Variants in SGIP1 observed in about 807,000 individuals in gnomAD.
The protein encoded by SGIP1 is SH3GL interacting endocytic adaptor 1, also known as SH3-containing GRB2-like protein 3-interacting protein 1.
SGIP1 carries 38 observed loss-of-function variants against 107.5 expected under a neutral mutation model. The ratio of observed to expected loss-of-function variants is 0.35; its 90% CI spans 0.27 to 0.46. SGIP1 has a LOEUF of 0.46. Among genes scored for constraint, SGIP1 ranks in the 20% least tolerant of loss-of-function variants. The pLI is 1.00. For missense variants in SGIP1, 929 were observed against 1,019.5 expected, an observed-to-expected ratio of 0.91 and a Z score of 1.21; for synonymous variants, 365 against 366.1, an observed-to-expected ratio of 1.00 and a Z score of 0.03.
rs1039591633 is a variant in SGIP1, at chr1:66,744,312, G to A, written c.*1217G>A. The stretch of plus-strand genomic sequence containing the variant: ...CCATTCTTGGAGAAGCAAAAGGAGA[G>A]TTATCAAAAATGTATGTCGTTTCAT... On this transcript the variant is annotated 3_prime_UTR_variant, in exon 25 of 25. Coordinates refer to ENST00000371037, the MANE Select transcript of SGIP1 (RefSeq NM_032291.4). 2 of 152,128 alleles carry A rather than the reference G, an allele frequency of 1.3e-5. No homozygotes were observed. The highest frequency in any genetic ancestry group is 2.9e-5 in the Non-Finnish European group (2 of 67,976). The allele number at this position is 152,128 out of a possible 1,614,324, so 9.4% of individuals were successfully genotyped here.
chr1:66,698,518 A>G (rs2091365424), intron 18 of SGIP1, among the ~76,000 whole-genome samples: 1 of 151,750 alleles, frequency 6.6e-6, no homozygotes, highest in Non-Finnish European at 1.5e-5. Flanking sequence ...AGCTGGGACC[A>G]CAGGCGCCCG....
chr1:66,698,182 T>C (rs188510646), intron 18 of SGIP1, among the ~76,000 whole-genome samples: 1 of 152,328 alleles, frequency 6.6e-6, no homozygotes, highest in East Asian at 1.9e-4. Flanking sequence ...TATTTGAGGA[T>C]AACATGGGTG....
chr1:66,672,427 T>C (rs1486349359), intron 11 of SGIP1, among the ~76,000 whole-genome samples: 1 of 152,192 alleles, frequency 6.6e-6, no homozygotes, highest in Non-Finnish European at 1.5e-5. Flanking sequence ...GGCAAAGCAT[T>C]GTATTTTACA....
In SGIP1 at chr1:66,747,396, C is replaced by T. The variant is rs929012492; in HGVS notation, c.*4301C>T. 1 of 151,860 alleles carries T rather than the reference C, an allele frequency of 6.6e-6. No individual in the cohort carries two copies. Among genetic ancestry groups the T allele is most frequent in the Non-Finnish European group, 1.5e-5 (1 of 67,852 alleles). 9.4% of individuals were successfully genotyped at this position (151,860 alleles called of 1,614,324 possible). ...CTCCAATCTTAAAAAATTTTTTTCC[C>T]TAGGAAAATCCCTATCTTTTTCTTA... On this transcript the variant is annotated 3_prime_UTR_variant, in exon 25 of 25. Coordinates refer to ENST00000371037, the MANE Select transcript of SGIP1 (RefSeq NM_032291.4).
chr1:66,688,400 G>C (rs1054017664), intron 15 of SGIP1, among the ~76,000 whole-genome samples: 2 of 152,174 alleles, frequency 1.3e-5, no homozygotes, highest in Non-Finnish European at 2.9e-5. Context: ...TGTGTCTTCT[G>C]TGTTTCATAC....
At chr1:66,633,996 A>C (rs566032807) in intron 3 of SGIP1, 1 of 1,272,354 alleles carries the variant, frequency 7.9e-7, no homozygotes, top group Non-Finnish European at 1.1e-6. Flanking sequence ...TTTTGCCTTC[A>C]TGTGGTTCTT....
intron 3 of SGIP1, 25 bp downstream of exon 3, chr1:66,633,119 A>G (rs1308915451): frequency 5.4e-6 from 8 of 1,493,584 alleles, no homozygotes; most frequent in Non-Finnish European, 7.5e-6. Context: ...AACCATTTTT[A>G]CTGAGTTTGT....
chr1:66,615,820 A>C (rs2069153410), intron 1 of SGIP1: 1 of 152,212 alleles, frequency 6.6e-6, no homozygotes, highest in South Asian at 2.1e-4. Flanking sequence ...GAGAAAATGG[A>C]GGAGAGAAAA....
At chr1:66,699,807 T>C (rs1196620817) in intron 18 of SGIP1, among the ~76,000 whole-genome samples, 1 of 151,958 alleles carries the variant, frequency 6.6e-6, no homozygotes, top group Non-Finnish European at 1.5e-5. Flanking sequence ...AAAATATATA[T>C]AGTATGAATA....
intron 1 of SGIP1, among the ~76,000 whole-genome samples, chr1:66,621,869 T>C (rs2071230538): frequency 6.6e-6 from 1 of 152,236 alleles, no homozygotes; most frequent in African/African-American, 2.4e-5. Context: ...GCCATTTCAT[T>C]GTAAAAGGAA....
intron 1 of SGIP1, among the ~76,000 whole-genome samples, chr1:66,621,318 G>A (rs1211524661): frequency 6.6e-6 from 1 of 152,164 alleles, no homozygotes; most frequent in African/African-American, 2.4e-5. Context: ...AGTAACATGT[G>A]CCACAAACTT....
intron 1 of SGIP1, among the ~76,000 whole-genome samples, chr1:66,571,901 C>T (rs925641781): frequency 6.6e-6 from 1 of 152,030 alleles, no homozygotes; most frequent in African/African-American, 2.4e-5. Flanking sequence ...ATTTACTCAT[C>T]CCTAAAGTCA....
chr1:66,709,646 A>G (rs959417651), intron 18 of SGIP1, among the ~76,000 whole-genome samples: 14 of 152,070 alleles, frequency 9.2e-5, no homozygotes. Context: ...CTGTATTCTC[A>G]CTCAGCAGGT....
intron 19 of SGIP1, among the ~76,000 whole-genome samples, chr1:66,721,789 A>G (rs1199396547): frequency 1.8e-4 from 28 of 152,136 alleles, no homozygotes; most frequent in Admixed American, 1.8e-3. Context: ...TCACACAAGA[A>G]TGAATTCATC....
At chr1:66,620,806 T>G (rs902021779) in intron 1 of SGIP1, among the ~76,000 whole-genome samples, 1 of 152,238 alleles carries the variant, frequency 6.6e-6, no homozygotes, top group Non-Finnish European at 1.5e-5. Context: ...TTATCCTTTC[T>G]ATAGGCAATG....
chr1:66,653,796 T>A (rs2079183622), intron 7 of SGIP1, among the ~76,000 whole-genome samples: 1 of 152,244 alleles, frequency 6.6e-6, no homozygotes, highest in Admixed American at 6.5e-5. Context: ...CTAACTTTTA[T>A]ACCTTTAAGG....
In SGIP1 at chr1:66,636,396, G is replaced by A. The variant is rs187914600; in HGVS notation, c.171+381G>A. Among the ~76,000 whole-genome samples, 974 of 152,292 alleles carry A rather than the reference G, an allele frequency of 6.4e-3. 12 individuals carry two copies. The highest frequency in any genetic ancestry group is 0.022 in the African/African-American group (915 of 41,556). On this transcript the variant is annotated intron_variant, in intron 4 of 24. Coordinates refer to ENST00000371037, the MANE Select transcript of SGIP1 (RefSeq NM_032291.4). ...GATAAGCACTGTCTCAATAACATCAGGAATTTGGCAGAAACTTGATCTGTA... is the reference window on the plus strand; with the variant it reads ...GATAAGCACTGTCTCAATAACATCAAGAATTTGGCAGAAACTTGATCTGTA...
chr1:66,742,581 T>G (rs537515088), intron 24 of SGIP1, among the ~76,000 whole-genome samples: 1 of 147,602 alleles, frequency 6.8e-6, no homozygotes, highest in East Asian at 2.1e-4. Flanking sequence ...GCCATTCTCC[T>G]GCCTCAGCCT....
chr1:66,701,362 C>T (rs1471899161), intron 18 of SGIP1, among the ~76,000 whole-genome samples: 1 of 152,070 alleles, frequency 6.6e-6, no homozygotes, highest in Non-Finnish European at 1.5e-5. Flanking sequence ...TATTAAGTAC[C>T]CACTCTGCAA....
Sources: allele counts gnomAD v4.1 joint callset (sites outside exome capture counted in the v4.1 genomes callset), GRCh38; gene constraint gnomAD v4.1.1; transcripts MANE v1.5; gene names NCBI Gene and HGNC (gene_info 2026-07-23, HGNC 2026-07-21).